VAT1L: variants seen among roughly 807,000 people sequenced by gnomAD.
VAT1L encodes the protein vesicle amine transport 1 like, also known as putative NADPH-dependent quinone oxidoreductase VAT1L.
Under a neutral mutation model 44.1 loss-of-function variants are expected in VAT1L, and 34 were observed. The observed-to-expected ratio is 0.77, with a 90% CI of 0.59 to 1.03. The LOEUF is 1.03. VAT1L is among the 50% of genes least tolerant of loss of function. The probability of loss-of-function intolerance (pLI) is 0.00; values close to 1 mark genes in which losing one functional copy is unlikely to be tolerated. For missense variants in VAT1L, 615 were observed against 538.8 expected, an observed-to-expected ratio of 1.14 and a Z score of -1.40; for synonymous variants, 253 against 202.2, an observed-to-expected ratio of 1.25 and a Z score of -2.13.
chr16:77,930,690 T>G (rs1272667838), intron 7 of VAT1L, among the ~76,000 whole-genome samples: 1 of 152,188 alleles, frequency 6.6e-6, no homozygotes, highest in African/African-American at 2.4e-5. Flanking sequence ...GCCCCCACTG[T>G]TAAGAAAACC....
intron 7 of VAT1L, among the ~76,000 whole-genome samples, chr16:77,965,973 G>A (rs146802206): frequency 8.5e-5 from 13 of 152,118 alleles, no homozygotes; most frequent in Admixed American, 8.5e-4. Context: ...AGGACTTCAA[G>A]TGTGGCTCAT....
chr16:77,888,563 A>G (rs906666961), intron 7 of VAT1L, among the ~76,000 whole-genome samples: 2 of 152,392 alleles, frequency 1.3e-5, no homozygotes, highest in Admixed American at 6.5e-5. Context: ...AAGTAAATAC[A>G]TAAATAAAAG....
chr16:77,974,996 G>A (rs1362233648), intron 8 of VAT1L, among the ~76,000 whole-genome samples: 1 of 152,036 alleles, frequency 6.6e-6, no homozygotes, highest in African/African-American at 2.4e-5. Flanking sequence ...TTGAAGGAAA[G>A]GGAGCATGTC....
In VAT1L at chr16:77,962,739, A is replaced by AAG. The variant is rs1567523608; in HGVS notation, c.1078-9111_1078-9110insAG. Among the ~76,000 whole-genome samples, 1,112 of 129,398 alleles carry AAG rather than the reference A, an allele frequency of 8.6e-3. 13 individuals carry two copies. Among genetic ancestry groups the AAG allele is most frequent in the Middle Eastern group, 0.028 (7 of 252 alleles). The allele number at this position is 129,398 out of a possible 152,430, so 84.9% of individuals were successfully genotyped here. A position where few individuals can be genotyped will look rare whatever the true frequency, so the allele number is the denominator to read the frequency against. ...CTCTACAAAAGAAGGAAAGAAGGAA[A>AAG]GAAGGAAGGAAGGAAGGAAGGAAGG... On this transcript the variant is annotated intron_variant, in intron 7 of 8. Transcript: ENST00000302536.
intron 1 of VAT1L, among the ~76,000 whole-genome samples, chr16:77,812,072 T>C (rs565248389): frequency 7.1e-6 from 1 of 140,642 alleles, no homozygotes; most frequent in South Asian, 2.4e-4. Context: ...TTCAGCCTTC[T>C]TGTCCTTGAA....
intron 7 of VAT1L, among the ~76,000 whole-genome samples, chr16:77,945,298 A>ATTTTTTTTTTTT: frequency 3.3e-4 from 1 of 3,008 alleles, no homozygotes; most frequent in Non-Finnish European, 1.0e-3. Context: ...TTTTTTTGAG[A>ATTTTTTTTTTTT]GAGAGAAAGA....
At chr16:77,889,271 C>T (rs902254582) in intron 7 of VAT1L, among the ~76,000 whole-genome samples, 1 of 152,160 alleles carries the variant, frequency 6.6e-6, no homozygotes, top group African/African-American at 2.4e-5. Flanking sequence ...AAAGTTTCCT[C>T]TTAGCCATCT....
chr16:77,829,839 C>T (rs779005193), intron 3 of VAT1L, among the ~76,000 whole-genome samples: 3 of 152,130 alleles, frequency 2.0e-5, no homozygotes, highest in Non-Finnish European at 2.9e-5. Context: ...TGTCTGATAT[C>T]TGATGCTTTG....
chr16:77,920,348 G>T (rs1356425810), intron 7 of VAT1L, among the ~76,000 whole-genome samples: 1 of 152,112 alleles, frequency 6.6e-6, no homozygotes, highest in Non-Finnish European at 1.5e-5. Flanking sequence ...ACTGCCAGAA[G>T]TGATAGCCTG....
At chr16:77,835,260 T>A (rs114763522) in intron 3 of VAT1L, among the ~76,000 whole-genome samples, 2,404 of 152,244 alleles carry the variant, frequency 0.016, 70 homozygotes, top group African/African-American at 0.056. Context: ...GGAGGAAAAA[T>A]CATTCCCAGT....
Position 77,862,870 on chromosome 16 carries a change from C to T in VAT1L, c.702C>T (p.Asp234=). Residue 234 remains aspartate (D), a synonymous_variant, in exon 4 of 9, where the codon GAC becomes GAT. Coordinates refer to ENST00000302536, the MANE Select transcript of VAT1L (RefSeq NM_020927.3). ...SVTHLFDRNA[D]YVQEVKRISA... The stretch of plus-strand genomic sequence containing the variant: ...CCCACCTCTTTGACAGAAATGCAGA[C>T]TACGTGCAAGAAGTTAAAAGGTAAG... 1.2e-6 allele frequency: 2 copies of T among 1,613,982 alleles called. No individual in the cohort carries two copies. The highest frequency in any genetic ancestry group is 1.7e-6 in the Non-Finnish European group (2 of 1,179,950).
chr16:77,940,437 G>A (rs575021155), intron 7 of VAT1L, among the ~76,000 whole-genome samples: 212 of 141,956 alleles, frequency 1.5e-3, no homozygotes, highest in Admixed American at 2.8e-3. Flanking sequence ...TCTGCCTCCC[G>A]GGTTCAAGCG....
intron 2 of VAT1L, 48 bp from the exon 3 acceptor site, chr16:77,825,198 C>A (rs1323937270): frequency 6.2e-7 from 1 of 1,603,332 alleles, no homozygotes; most frequent in South Asian, 1.1e-5. Context: ...CTCCTTGAGC[C>A]TCTGTCATGA....
At chr16:77,883,793 C>G (rs951944341) in intron 6 of VAT1L, among the ~76,000 whole-genome samples, 23 of 152,128 alleles carry the variant, frequency 1.5e-4, no homozygotes, top group African/African-American at 5.1e-4. Flanking sequence ...CGATGGATCC[C>G]TACCCGCCTC....
chr16:77,936,847 A>G (rs987837058), intron 7 of VAT1L, among the ~76,000 whole-genome samples: 48 of 150,598 alleles, frequency 3.2e-4, no homozygotes, highest in African/African-American at 1.0e-3. Flanking sequence ...GTGGATTCCT[A>G]AGACCTGAGG....
chr16:77,933,620 G>A (rs948237528), intron 7 of VAT1L, among the ~76,000 whole-genome samples: 7 of 152,216 alleles, frequency 4.6e-5, no homozygotes, highest in Admixed American at 1.3e-4. Flanking sequence ...TTTTGAATAG[G>A]GGAGTCAGGC....
intron 7 of VAT1L, among the ~76,000 whole-genome samples, chr16:77,946,842 AT>A (rs918749327): frequency 6.6e-6 from 1 of 152,130 alleles, no homozygotes; most frequent in African/African-American, 2.4e-5. Flanking sequence ...GATCAGTCCC[AT>A]TTGAGATCCC....
intron 8 of VAT1L, among the ~76,000 whole-genome samples, chr16:77,973,390 T>G (rs914442456): frequency 6.6e-6 from 1 of 151,694 alleles, no homozygotes; most frequent in African/African-American, 2.4e-5. Context: ...GTTCAAGCGA[T>G]TCTCCTGCCT....
intron 7 of VAT1L, among the ~76,000 whole-genome samples, chr16:77,961,994 A>G (rs1474610709): frequency 1.3e-5 from 2 of 152,118 alleles, no homozygotes; most frequent in Non-Finnish European, 1.5e-5. Flanking sequence ...GTGTGTCTAG[A>G]GTATCATAGT....
Sources: allele counts gnomAD v4.1 joint callset (sites outside exome capture counted in the v4.1 genomes callset), GRCh38; gene constraint gnomAD v4.1.1; transcripts MANE v1.5; gene names NCBI Gene and HGNC (gene_info 2026-07-23, HGNC 2026-07-21).